CABIN1: variants seen among roughly 807,000 people sequenced by gnomAD.
CABIN1 encodes calcineurin-binding protein cabin-1.
A neutral mutation model predicts 227.7 loss-of-function variants in CABIN1; 133 were observed. The ratio of observed to expected loss-of-function variants is 0.58; its 90% CI spans 0.51 to 0.67. The LOEUF is 0.67. Ranked by LOEUF, CABIN1 falls within the 30% of genes least tolerant of loss-of-function variation. The pLI is 0.00. For synonymous variants in CABIN1, 1,086 were observed against 1,155.1 expected, an observed-to-expected ratio of 0.94 and a Z score of 1.21; for missense variants, 2,408 against 2,852.5, an observed-to-expected ratio of 0.84 and a Z score of 3.55.
At chr22:24,142,313 C>T (rs1289644595) in intron 29 of CABIN1, among the ~76,000 whole-genome samples, 1 of 152,152 alleles carries the variant, frequency 6.6e-6, no homozygotes, top group East Asian at 1.9e-4. Flanking sequence ...CAAAACCTCT[C>T]CTAGCTCAGC....
At chr22:24,090,872 G>T (rs914295271) in intron 23 of CABIN1, among the ~76,000 whole-genome samples, 1 of 152,154 alleles carries the variant, frequency 6.6e-6, no homozygotes, top group African/African-American at 2.4e-5. Flanking sequence ...GCACATGCAG[G>T]CTTCTCTCTA....
At chr22:24,073,721 G>A (rs956630838) in intron 18 of CABIN1, among the ~76,000 whole-genome samples, 1 of 152,172 alleles carries the variant, frequency 6.6e-6, no homozygotes. Context: ...AGCAGGGGCA[G>A]AGGAAGACAT....
chr22:24,076,634 A>G (rs561389945), intron 19 of CABIN1, among the ~76,000 whole-genome samples: 9 of 152,148 alleles, frequency 5.9e-5, no homozygotes, highest in Non-Finnish European at 1.2e-4. Flanking sequence ...TAATAACCAC[A>G]TGCACCACCA....
intron 28 of CABIN1, among the ~76,000 whole-genome samples, chr22:24,128,830 G>A (rs1354427826): frequency 6.6e-6 from 1 of 152,214 alleles, no homozygotes; most frequent in Admixed American, 6.5e-5. Flanking sequence ...AGATAGGCTG[G>A]CACTGCTCCA....
chr22:24,162,332 A>G lies in CABIN1; in HGVS notation c.4747-2068A>G, dbSNP rs569177112. On this transcript the variant is annotated intron_variant, in intron 29 of 36. Transcript: ENST00000263119. ...GGGCCCATCTGCTGGCTGAATTCCC[A>G]TGGCTGGTGGTGGGTCTTAGGCCTG... 462 of 152,362 alleles carry G rather than the reference A, an allele frequency of 3.0e-3. 4 individuals carry two copies. Among genetic ancestry groups the G allele is most frequent in the Non-Finnish European group, 3.8e-3 (259 of 68,124 alleles). The allele number at this position is 152,362 out of a possible 1,614,324, so 9.4% of individuals were successfully genotyped here. A position where few individuals can be genotyped will look rare whatever the true frequency, so the allele number is the denominator to read the frequency against.
intron 3 of CABIN1, among the ~76,000 whole-genome samples, chr22:24,037,130 C>T (rs1188275914): frequency 6.6e-6 from 1 of 151,852 alleles, no homozygotes; most frequent in Non-Finnish European, 1.5e-5. Context: ...CGTGGTGGTG[C>T]ATGTCTGTAG....
At chr22:24,172,048 C>T in intron 34 of CABIN1, 53 bp downstream of exon 34, 1 of 1,574,294 alleles carries the variant, frequency 6.4e-7, no homozygotes, top group East Asian at 2.3e-5. Flanking sequence ...ACCATCAAGT[C>T]CTCCCTGCGG....
At chr22:24,175,917 C>T in intron 34 of CABIN1, 194 bp from the exon 35 acceptor site, 1 of 682,940 alleles carries the variant, frequency 1.5e-6, no homozygotes, top group South Asian at 1.7e-5. Context: ...CAGCCCCTAC[C>T]AGTGTCCTCT....
intron 19 of CABIN1, among the ~76,000 whole-genome samples, 158 bp from the exon 20 acceptor site, chr22:24,083,070 A>T (rs2040915243): frequency 6.6e-6 from 1 of 152,212 alleles, no homozygotes; most frequent in African/African-American, 2.4e-5. Context: ...TTTCCAGGAA[A>T]CAGGTGTTTT....
intron 1 of CABIN1, among the ~76,000 whole-genome samples, chr22:24,013,457 A>G (rs1015454505): frequency 6.6e-6 from 1 of 152,128 alleles, no homozygotes; most frequent in Admixed American, 6.5e-5. Context: ...TCGGCCTCCA[A>G]AAGTGCTGGG....
At chr22:24,074,789 C>T (rs943269500) in intron 18 of CABIN1, among the ~76,000 whole-genome samples, 1 of 152,110 alleles carries the variant, frequency 6.6e-6, no homozygotes, top group South Asian at 2.1e-4. Context: ...AAAGGAAAAT[C>T]GTAGAACTGA....
chr22:24,056,183 T>G lies in CABIN1; in HGVS notation c.1094-9T>G, dbSNP rs778090414. ...CCGTGTAAGATTTTAATTTGCATTC[T>G]TTGTGAAGGTGATATTTCTGGGGGA... On this transcript the variant is annotated splice_polypyrimidine_tract_variant and intron_variant, in intron 9 of 36. Coordinates refer to ENST00000263119, the MANE Select transcript of CABIN1 (RefSeq NM_012295.4). 1 of 1,613,610 alleles carries G rather than the reference T, an allele frequency of 6.2e-7. No homozygotes were observed. Among genetic ancestry groups the G allele is most frequent in the Non-Finnish European group, 8.5e-7 (1 of 1,179,636 alleles).
At chr22:24,070,096 G>A (rs1183311097) in intron 16 of CABIN1, among the ~76,000 whole-genome samples, 1 of 151,038 alleles carries the variant, frequency 6.6e-6, no homozygotes, top group East Asian at 1.9e-4. Context: ...TTTGCGAAAA[G>A]CAGTGGTTTC....
intron 28 of CABIN1, among the ~76,000 whole-genome samples, chr22:24,132,025 A>G (rs1320188506): frequency 1.3e-5 from 2 of 150,950 alleles, no homozygotes; most frequent in Admixed American, 6.6e-5. Flanking sequence ...GCACACCACT[A>G]TACTCCACCC....
intron 5 of CABIN1, 86 bp from the exon 6 acceptor site, chr22:24,042,818 C>CTGTATGTGTGTGTG (rs2037491508): frequency 1.6e-6 from 1 of 634,146 alleles, no homozygotes; most frequent in Non-Finnish European, 2.3e-6. Context: ...AGAGATCTGA[C>CTGTATGTGTGTGTG]TGTGTGTGTG....
In CABIN1 at chr22:24,098,017, G is replaced by T. The variant is rs763630193; in HGVS notation, c.3942G>T (p.Glu1314Asp). ...CCCCAAACCTCTGTTCCCACAGGGA[G>T]AAGGCCTGCCTGGTGGACGAGGACT... ...EKNTPKASEKEKACLVDEDSH... is the reference protein window; with the variant it reads ...EKNTPKASEKDKACLVDEDSH... The change falls in exon 26 of 37, where the codon GAG (glutamate) becomes GAT (aspartate). Residue 1314 changes from glutamate (E) to aspartate (D), a missense_variant. This residue lies in a region of CABIN1 where 649 missense variants were observed against 910.3 expected (regional missense o/e 0.71). Transcript: ENST00000263119. 6.2e-7 allele frequency: 1 copy of T among 1,614,092 alleles called. No individual in the cohort carries two copies. The highest frequency in any genetic ancestry group is 2.2e-5 in the East Asian group (1 of 44,890).
intron 29 of CABIN1, among the ~76,000 whole-genome samples, chr22:24,161,043 C>T (rs2046124410): frequency 6.6e-6 from 1 of 152,186 alleles, no homozygotes; most frequent in Admixed American, 6.5e-5. Flanking sequence ...AGAGGGAAGA[C>T]CACCAAAGTC....
intron 26 of CABIN1, among the ~76,000 whole-genome samples, chr22:24,102,810 T>C (rs1303447896): frequency 6.6e-6 from 1 of 152,084 alleles, no homozygotes; most frequent in Admixed American, 6.5e-5. Context: ...ACAGAGCCGC[T>C]GAGGAGTCTC....
At chr22:24,055,993 A>G (rs1250798239) in intron 9 of CABIN1, among the ~76,000 whole-genome samples, 199 bp from the exon 10 acceptor site, 2 of 152,224 alleles carry the variant, frequency 1.3e-5, no homozygotes, top group Non-Finnish European at 2.9e-5. Flanking sequence ...TGTGAAGTCA[A>G]GAAAGGTGTG....
Sources: allele counts gnomAD v4.1 joint callset (sites outside exome capture counted in the v4.1 genomes callset), GRCh38; gene constraint gnomAD v4.1.1; regional missense constraint gnomAD v4.1.1; transcripts MANE v1.5; gene names NCBI Gene and HGNC (gene_info 2026-07-23, HGNC 2026-07-21).